WDR7: variants seen among roughly 807,000 people sequenced by gnomAD.
The protein encoded by WDR7 is WD repeat-containing protein 7.
WDR7 carries 46 observed loss-of-function variants against 169.4 expected under a neutral mutation model. The ratio of observed to expected loss-of-function variants is 0.27; its 90% CI spans 0.21 to 0.35. The LOEUF is 0.35. Ranked by LOEUF, WDR7 falls within the 10% of genes least tolerant of loss-of-function variation. The probability of loss-of-function intolerance (pLI) is 1.00; values close to 1 mark genes in which losing one functional copy is unlikely to be tolerated. For synonymous variants in WDR7, 612 were observed against 666.8 expected (o/e 0.92, Z 1.27); for missense variants, 1,534 against 1,859.3 (o/e 0.83, Z 3.22).
intron 21 of WDR7, among the ~76,000 whole-genome samples, chr18:56,897,781 C>G (rs1415614355): frequency 6.6e-6 from 1 of 151,966 alleles, no homozygotes. Flanking sequence ...AAAAATGTTT[C>G]TCTCAGTTAC....
chr18:56,942,358 T>C (rs916635985), intron 25 of WDR7, among the ~76,000 whole-genome samples: 1 of 152,138 alleles, frequency 6.6e-6, no homozygotes, highest in Admixed American at 6.5e-5. Context: ...TTGTTCCAGT[T>C]TGTGCCAGTT....
intron 27 of WDR7, among the ~76,000 whole-genome samples, chr18:57,021,598 T>C (rs966319677): frequency 6.6e-6 from 1 of 152,230 alleles, no homozygotes; most frequent in Non-Finnish European, 1.5e-5. Context: ...CTGAATAAAA[T>C]GAACATTAAT....
chr18:56,726,278 C>G, intron 13 of WDR7, among the ~76,000 whole-genome samples: 1 of 152,188 alleles, frequency 6.6e-6, no homozygotes, highest in Non-Finnish European at 1.5e-5. Context: ...TTCTTCCTAT[C>G]TATGAGCATG....
chr18:56,710,881 A>T (rs1263598122), intron 12 of WDR7, among the ~76,000 whole-genome samples: 1 of 152,090 alleles, frequency 6.6e-6, no homozygotes, highest in Non-Finnish European at 1.5e-5. Context: ...AAAAGTATCA[A>T]CCCCCAAAAT....
intron 26 of WDR7, among the ~76,000 whole-genome samples, chr18:56,967,302 G>C (rs759159541): frequency 6.6e-6 from 1 of 152,058 alleles, no homozygotes; most frequent in Non-Finnish European, 1.5e-5. Context: ...CAGAAACTTT[G>C]ATGCAATTCA....
intron 26 of WDR7, among the ~76,000 whole-genome samples, chr18:56,973,986 CT>C (rs2037197218): frequency 6.6e-6 from 1 of 152,322 alleles, no homozygotes; most frequent in African/African-American, 2.4e-5. Flanking sequence ...TATTTCCCAT[CT>C]CTTTTATGGT....
At chr18:56,913,491 T>A (rs1332384019) in intron 21 of WDR7, among the ~76,000 whole-genome samples, 1 of 152,068 alleles carries the variant, frequency 6.6e-6, no homozygotes, top group African/African-American at 2.4e-5. Flanking sequence ...AAAATGTTTT[T>A]AATCTAGAAT....
intron 14 of WDR7, among the ~76,000 whole-genome samples, chr18:56,747,994 A>C (rs1023742928): frequency 2.0e-5 from 3 of 151,846 alleles, no homozygotes; most frequent in African/African-American, 7.3e-5. Context: ...CCATTCATTT[A>C]CAAGTGTGTT....
intron 27 of WDR7, among the ~76,000 whole-genome samples, chr18:57,026,718 A>G (rs548053129): frequency 6.6e-6 from 1 of 152,206 alleles, no homozygotes; most frequent in Non-Finnish European, 1.5e-5. Context: ...TAAATGAACC[A>G]TTTTATTAAG....
chr18:56,903,151 A>G (rs1213100092), intron 21 of WDR7, among the ~76,000 whole-genome samples: 3 of 152,170 alleles, frequency 2.0e-5, no homozygotes, highest in Non-Finnish European at 4.4e-5. Flanking sequence ...CTAAAAACAT[A>G]CTAGAGAGTA....
chr18:56,694,522 G>T, intron 9 of WDR7, 97 bp from the exon 10 acceptor site: 2 of 1,259,444 alleles, frequency 1.6e-6, no homozygotes, highest in South Asian at 1.7e-5. Context: ...TTGGCTACTG[G>T]GACAAATTAC....
intron 12 of WDR7, among the ~76,000 whole-genome samples, chr18:56,706,365 G>A (rs1436233194): frequency 1.3e-5 from 2 of 152,194 alleles, no homozygotes; most frequent in African/African-American, 4.8e-5. Context: ...GGCATATGGA[G>A]CTTGAAATAA....
At chr18:56,840,073 A>C (rs2045458111) in intron 20 of WDR7, among the ~76,000 whole-genome samples, 1 of 152,100 alleles carries the variant, frequency 6.6e-6, no homozygotes, top group South Asian at 2.1e-4. Flanking sequence ...AAAACAAAAC[A>C]AAACAACAAC....
intron 16 of WDR7, among the ~76,000 whole-genome samples, chr18:56,761,476 G>C (rs78471125): frequency 0.026 from 3,937 of 151,910 alleles, 50 homozygotes; most frequent in Middle Eastern, 0.041. Flanking sequence ...GGCTTCTTTT[G>C]TCCCTTTGAA....
intron 26 of WDR7, among the ~76,000 whole-genome samples, chr18:56,996,947 TAAG>T (rs1003004349): frequency 7.9e-5 from 12 of 151,952 alleles, no homozygotes; most frequent in African/African-American, 2.4e-4. Context: ...GCAAATATAC[TAAG>T]AAGAAGAAAA....
intron 21 of WDR7, among the ~76,000 whole-genome samples, chr18:56,916,935 C>T (rs543924204): frequency 6.6e-6 from 1 of 151,852 alleles, no homozygotes; most frequent in East Asian, 1.9e-4. Context: ...TGGTGGCTCA[C>T]GCCTGTAATC....
chr18:56,704,224 TCTATA>T (rs1379389596), intron 12 of WDR7, among the ~76,000 whole-genome samples: 1 of 152,178 alleles, frequency 6.6e-6, no homozygotes, highest in Non-Finnish European at 1.5e-5. Context: ...GTACTACTAT[TCTATA>T]CTATTGTTTA....
chr18:57,021,415 G>T (rs2048289588), intron 27 of WDR7, among the ~76,000 whole-genome samples: 2 of 152,162 alleles, frequency 1.3e-5, no homozygotes, highest in South Asian at 4.1e-4. Context: ...TAGGGCATAG[G>T]ATAATAAGGT....
At chr18:56,853,602 A>G (rs577917172) in intron 20 of WDR7, among the ~76,000 whole-genome samples, 1 of 152,264 alleles carries the variant, frequency 6.6e-6, no homozygotes, top group African/African-American at 2.4e-5. Flanking sequence ...AAGAACTAGA[A>G]TATGGCCAGT....
Sources: allele counts gnomAD v4.1 joint callset (sites outside exome capture counted in the v4.1 genomes callset), GRCh38; gene constraint gnomAD v4.1.1; transcripts MANE v1.5; gene names NCBI Gene and HGNC (gene_info 2026-07-23, HGNC 2026-07-21).